LPP: variants seen among roughly 807,000 people sequenced by gnomAD.
LPP encodes LIM domain containing preferred translocation partner in lipoma.
LPP carries 38 observed loss-of-function variants against 60.4 expected under a neutral mutation model. The observed-to-expected ratio is 0.63, with a 90% CI of 0.49 to 0.83. LPP has a LOEUF of 0.83. Ranked by LOEUF, LPP falls within the 40% of genes least tolerant of loss-of-function variation. The probability of loss-of-function intolerance (pLI) is 0.00; values close to 1 mark genes in which losing one functional copy is unlikely to be tolerated. For missense variants in LPP, 902 were observed against 783.6 expected (o/e 1.15, Z -1.80); for synonymous variants, 328 against 290.8 (o/e 1.13, Z -1.30).
chr3:188,306,107 G>A (rs1266165072), intron 2 of LPP, among the ~76,000 whole-genome samples: 1 of 151,968 alleles, frequency 6.6e-6, no homozygotes, highest in Admixed American at 6.6e-5. Context: ...TTGAGACGTA[G>A]TCTCACTCTT....
intron 9 of LPP, among the ~76,000 whole-genome samples, chr3:188,794,729 G>T (rs1560213292): frequency 6.7e-6 from 1 of 149,582 alleles, no homozygotes; most frequent in Non-Finnish European, 1.5e-5. Flanking sequence ...CATGACAAAG[G>T]TTTTTTTTTT....
At chr3:188,293,079 C>T (rs542524926) in intron 2 of LPP, among the ~76,000 whole-genome samples, 2 of 152,260 alleles carry the variant, frequency 1.3e-5, no homozygotes, top group Admixed American at 6.5e-5. Flanking sequence ...TCTCTCATAC[C>T]GTTAATTTTA....
chr3:188,742,500 A>T (rs999673735), intron 8 of LPP, among the ~76,000 whole-genome samples: 10 of 152,148 alleles, frequency 6.6e-5, no homozygotes, highest in Admixed American at 5.2e-4. Flanking sequence ...ACATGAAAAA[A>T]ATCTTAAAAA....
At chr3:188,455,899 A>G (rs1018429833) in intron 4 of LPP, among the ~76,000 whole-genome samples, 1 of 152,080 alleles carries the variant, frequency 6.6e-6, no homozygotes, top group Admixed American at 6.6e-5. Flanking sequence ...AAATTTTTTT[A>G]TTTGTTTATT....
intron 2 of LPP, among the ~76,000 whole-genome samples, chr3:188,326,425 A>G (rs1328326152): frequency 6.6e-6 from 1 of 152,194 alleles, no homozygotes; most frequent in African/African-American, 2.4e-5. Context: ...TGACAAGTAC[A>G]CTGAGTTCAA....
chr3:188,703,850 G>A (rs1484064504), intron 7 of LPP, among the ~76,000 whole-genome samples: 1 of 152,150 alleles, frequency 6.6e-6, no homozygotes, highest in Non-Finnish European at 1.5e-5. Flanking sequence ...AGTGCTAGGG[G>A]TAGAATCTAA....
At chr3:188,616,179 T>C (rs1221419595) in intron 7 of LPP, among the ~76,000 whole-genome samples, 1 of 152,218 alleles carries the variant, frequency 6.6e-6, no homozygotes, top group Non-Finnish European at 1.5e-5. Context: ...TGAATGGTAC[T>C]GCCTAGGTTT....
At chr3:188,441,308 G>C (rs374486453) in intron 4 of LPP, among the ~76,000 whole-genome samples, 1 of 152,048 alleles carries the variant, frequency 6.6e-6, no homozygotes, top group Non-Finnish European at 1.5e-5. Flanking sequence ...GTATGCGTGC[G>C]TATGTGTTTA....
chr3:188,264,886 C>G (rs571214522), intron 2 of LPP, among the ~76,000 whole-genome samples: 2 of 151,744 alleles, frequency 1.3e-5, no homozygotes, highest in Admixed American at 6.6e-5. Context: ...AAAAGCAAAA[C>G]AAAACACAAA....
Position 188,888,146 on chromosome 3 carries a change from G to A in LPP, c.*13667G>A, listed in dbSNP as rs1232682454. On this transcript the variant is annotated 3_prime_UTR_variant, in exon 12 of 12. Transcript: ENST00000617246. The stretch of plus-strand genomic sequence containing the variant: ...ATAATAAACCACTTTTGTTTTGTTT[G>A]TTTTGTCTTTTAACCTACACCTTTA... The A allele has an allele frequency of 1.4e-5, 3 of 219,874 alleles. No individual in the cohort carries two copies. The highest frequency in any genetic ancestry group is 1.8e-4 in the South Asian group (1 of 5,412). 13.6% of individuals were successfully genotyped at this position (219,874 alleles called of 1,614,324 possible). A position where few individuals can be genotyped will look rare whatever the true frequency, so the allele number is the denominator to read the frequency against.
At chr3:188,809,922 A>G (rs58619317) in intron 9 of LPP, among the ~76,000 whole-genome samples, 1,911 of 152,208 alleles carry the variant, frequency 0.013, 35 homozygotes, top group African/African-American at 0.044. Flanking sequence ...TCCCAGCACC[A>G]TTTATTAAAT....
chr3:188,318,830 C>T (rs551753581), intron 2 of LPP, among the ~76,000 whole-genome samples: 2 of 140,708 alleles, frequency 1.4e-5, no homozygotes, highest in Non-Finnish European at 3.0e-5. Context: ...GCGATCTCGG[C>T]TCACTGCAAG....
chr3:188,179,353 C>T (rs775372121), intron 1 of LPP: 42 of 458,020 alleles, frequency 9.2e-5, no homozygotes, highest in South Asian at 2.3e-4. Context: ...CCTCCTAGGC[C>T]CCCGCCTTCA....
At chr3:188,542,288 T>C (rs1243423121) in intron 6 of LPP, among the ~76,000 whole-genome samples, 2 of 152,234 alleles carry the variant, frequency 1.3e-5, no homozygotes, top group African/African-American at 4.8e-5. Flanking sequence ...CTTTGTGAAC[T>C]ATAAAGCGCT....
At chr3:188,551,501 G>T (rs763578570) in intron 6 of LPP, among the ~76,000 whole-genome samples, 4 of 152,076 alleles carry the variant, frequency 2.6e-5, no homozygotes, top group Non-Finnish European at 4.4e-5. Flanking sequence ...TAATATTTTG[G>T]ATTCTTATCC....
chr3:188,158,498 T>C (rs2148670716), intron 1 of LPP, among the ~76,000 whole-genome samples: 1 of 152,272 alleles, frequency 6.6e-6, no homozygotes, highest in East Asian at 1.9e-4. Flanking sequence ...TCAGTGAGAT[T>C]GGTAGGTGGA....
chr3:188,229,988 C>G (rs1426029977), intron 2 of LPP, among the ~76,000 whole-genome samples: 1 of 152,022 alleles, frequency 6.6e-6, no homozygotes, highest in Non-Finnish European at 1.5e-5. Context: ...ACCTCATGAT[C>G]TTTAGGAAAC....
At position 188,624,811 on chromosome 3, in the gene LPP, T is replaced by TTCCTTCC. The variant is rs1560662498; in HGVS notation, c.1113+14967_1113+14968insTCCTTCC. On this transcript the variant is annotated intron_variant, in intron 7 of 11. Transcript: ENST00000617246. Reference sequence around the variant, plus strand: ...CCTTCCTTCCTTCCTTCCTTCCTTCTCTCTCTTTCTCTCTTCTTTGGTGTG... The same window carrying TTCCTTCC: ...CCTTCCTTCCTTCCTTCCTTCCTTCTTCCTTCCCTCTCTTTCTCTCTTCTTTGGTGTG... Among the ~76,000 whole-genome samples the TTCCTTCC allele has an allele frequency of 6.6e-5, 3 of 45,546 alleles. No individual in the cohort carries two copies. In the Admixed American group the frequency reaches 8.1e-4, roughly 12 times the overall value. 29.9% of individuals were successfully genotyped at this position (45,546 alleles called of 152,430 possible).
At chr3:188,686,789 C>G (rs1408180990) in intron 7 of LPP, among the ~76,000 whole-genome samples, 1 of 152,186 alleles carries the variant, frequency 6.6e-6, no homozygotes, top group Non-Finnish European at 1.5e-5. Context: ...AAAACAAGCA[C>G]TCAACAAGTG....
Sources: gnomAD v4.1 joint callset for allele counts (sites outside exome capture counted in the v4.1 genomes callset) on GRCh38, gnomAD v4.1.1 for gene constraint, MANE v1.5 for transcripts, NCBI Gene and HGNC (gene_info 2026-07-23, HGNC 2026-07-21) for gene names.